Variants in TIAM2 observed in about 807,000 individuals in gnomAD.
TIAM2 encodes rho guanine nucleotide exchange factor TIAM2.
In TIAM2, 80 loss-of-function variants were observed where a neutral mutation model predicts 152.9. That is an observed-to-expected ratio of 0.52 (90% confidence interval 0.44 to 0.63). The LOEUF (loss-of-function observed/expected upper bound fraction) is 0.63. Among genes scored for constraint, TIAM2 ranks in the 30% least tolerant of loss-of-function variants. The pLI is 0.00. For synonymous variants in TIAM2, 804 were observed against 838.0 expected (o/e 0.96, Z 0.70); for missense variants, 1,965 against 2,120.1 (o/e 0.93, Z 1.44).
chr6:155,245,768 T>TC (rs1554246897), intron 19 of TIAM2, 37 bp downstream of exon 19: 12 of 1,441,044 alleles, frequency 8.3e-6, no homozygotes, highest in Non-Finnish European at 1.0e-5. Context: ...TTTTTTTTTT[T>TC]TTGCATTTTT....
intron 15 of TIAM2, 66 bp from the exon 16 acceptor site, chr6:155,240,464 T>C: frequency 1.3e-6 from 2 of 1,507,666 alleles, no homozygotes; most frequent in East Asian, 2.3e-5. Flanking sequence ...CTTGGTGCCC[T>C]TGGGGGCAGC....
Position 155,127,475 on chromosome 6 carries a change from G to A in TIAM2, c.-117-15G>A, listed in dbSNP as rs936911829. ...AAAACGCTTCACAGAGTTTTCTTGC[G>A]TTTCTGTTTTTCAGGCTCACTTCAT... is the stretch of plus-strand genomic sequence containing the variant. On this transcript the variant is annotated splice_polypyrimidine_tract_variant and intron_variant, in intron 2 of 26. Coordinates refer to ENST00000682666, the MANE Select transcript of TIAM2 (RefSeq NM_012454.4). The A allele has an allele frequency of 3.2e-5, 14 of 433,674 alleles. No homozygotes were observed. Among genetic ancestry groups the A allele is most frequent in the African/African-American group, 8.2e-5 (4 of 48,850 alleles). The allele number at this position is 433,674 out of a possible 1,614,324, so 26.9% of individuals were successfully genotyped here. A position where few individuals can be genotyped will look rare whatever the true frequency, so the allele number is the denominator to read the frequency against.
At chr6:155,182,776 A>G (rs1006820593) in intron 13 of TIAM2, among the ~76,000 whole-genome samples, 1 of 152,182 alleles carries the variant, frequency 6.6e-6, no homozygotes, top group Non-Finnish European at 1.5e-5. Context: ...TGGGAACACT[A>G]GAAAAAACAA....
chr6:155,089,834 G>A (rs143213412), intron 1 of TIAM2, among the ~76,000 whole-genome samples: 1 of 152,308 alleles, frequency 6.6e-6, no homozygotes, highest in Non-Finnish European at 1.5e-5. Context: ...CTCAGTGAGA[G>A]CGAGATTTTC....
chr6:155,196,821 A>G (rs1051279213), intron 14 of TIAM2, among the ~76,000 whole-genome samples: 1 of 152,232 alleles, frequency 6.6e-6, no homozygotes, highest in Admixed American at 6.5e-5. Context: ...CTGCCCTACC[A>G]TACTCAGCTA....
chr6:155,041,085 A>G (rs1777016843), intron 1 of TIAM2, among the ~76,000 whole-genome samples: 1 of 152,096 alleles, frequency 6.6e-6, no homozygotes, highest in Non-Finnish European at 1.5e-5. Context: ...TCTAAGTGCC[A>G]GGGGCTCTTG....
chr6:155,169,947 T>C (rs1001491028), intron 9 of TIAM2, among the ~76,000 whole-genome samples: 8 of 152,032 alleles, frequency 5.3e-5, no homozygotes, highest in Non-Finnish European at 1.0e-4. Flanking sequence ...GCCTCCTGAG[T>C]AGCTGGGATT....
chr6:155,104,073 C>T (rs950452257), intron 2 of TIAM2, among the ~76,000 whole-genome samples: 2 of 135,490 alleles, frequency 1.5e-5, no homozygotes, highest in Non-Finnish European at 3.1e-5. Context: ...CACCCCCACA[C>T]ACCAAATTAA....
chr6:155,035,841 A>T (rs930258348), intron 1 of TIAM2, among the ~76,000 whole-genome samples: 1 of 152,226 alleles, frequency 6.6e-6, no homozygotes, highest in Non-Finnish European at 1.5e-5. Flanking sequence ...TGCTGGGTTG[A>T]TGTAAATGGC....
Position 155,183,231 on chromosome 6 carries a change from T to C in TIAM2, c.2801-6T>C. 1 of 1,608,778 alleles carries C rather than the reference T, an allele frequency of 6.2e-7. No homozygotes were observed. The highest frequency in any genetic ancestry group is 8.5e-7 in the Non-Finnish European group (1 of 1,177,038). The stretch of plus-strand genomic sequence containing the variant: ...CTTTTTTCTGTTTCTCCTTCCTTTT[T>C]CTCAGGGCTGAGAAAGGGCAATGAG... On this transcript the variant is annotated splice_polypyrimidine_tract_variant and splice_region_variant and intron_variant, in intron 13 of 26. Coordinates refer to ENST00000682666, the MANE Select transcript of TIAM2 (RefSeq NM_012454.4).
intron 1 of TIAM2, among the ~76,000 whole-genome samples, chr6:154,998,115 A>C (rs970422627): frequency 6.6e-6 from 1 of 152,110 alleles, no homozygotes; most frequent in African/African-American, 2.4e-5. Flanking sequence ...TGCGAGTGTG[A>C]ATTCATGGGT....
At chr6:155,146,359 C>T (rs978571289) in intron 6 of TIAM2, among the ~76,000 whole-genome samples, 7 of 152,164 alleles carry the variant, frequency 4.6e-5, no homozygotes, top group Middle Eastern at 3.4e-3. Context: ...CCAGCCCAGG[C>T]GACAGAGTGA....
At chr6:155,250,155 G>A (rs191516036) in intron 21 of TIAM2, among the ~76,000 whole-genome samples, 186 bp downstream of exon 21, 1 of 152,092 alleles carries the variant, frequency 6.6e-6, no homozygotes, top group African/African-American at 2.4e-5. Flanking sequence ...TCATTACACT[G>A]GTTTAAAATA....
At chr6:155,239,396 A>T (rs146327779) in intron 15 of TIAM2, among the ~76,000 whole-genome samples, 4 of 152,314 alleles carry the variant, frequency 2.6e-5, no homozygotes, top group Non-Finnish European at 5.9e-5. Flanking sequence ...GAAAGAAAGA[A>T]GCCACCCTGC....
chr6:155,176,922 C>T lies in TIAM2; in HGVS notation c.2468C>T (p.Thr823Ile), dbSNP rs766312028. The part of the protein sequence containing the change: ...YVHFQDNHGV[T>I]VGIKPEHRVE... ...CACTTTCAGGACAATCACGGAGTTA[C>T]TGTAGGGATCAAGCCAGAGCACAGA... The change falls in exon 10 of 27, where the codon ACT (threonine) becomes ATT (isoleucine). Residue 823 changes from threonine to isoleucine, a missense_variant. Around this residue, in one of 3 missense-constraint regions of TIAM2, gnomAD observed 1,025 missense variants for 1,119.4 expected, o/e 0.92. Transcript: ENST00000682666. 4 of 1,613,856 alleles carry T rather than the reference C, an allele frequency of 2.5e-6. No individual in the cohort carries two copies. The highest frequency in any genetic ancestry group is 3.4e-6 in the Non-Finnish European group (4 of 1,179,954).
At chr6:155,178,299 G>C (rs559203131) in intron 10 of TIAM2, among the ~76,000 whole-genome samples, 1 of 151,496 alleles carries the variant, frequency 6.6e-6, no homozygotes. Context: ...ACACATTTTC[G>C]TTTTGAAAGT....
chr6:155,106,964 A>G (rs577767302), intron 2 of TIAM2, among the ~76,000 whole-genome samples: 2 of 152,386 alleles, frequency 1.3e-5, no homozygotes, highest in Non-Finnish European at 2.9e-5. Context: ...GCAGACAAAA[A>G]TATATCCAGC....
At chr6:155,023,826 A>G (rs1000847742) in intron 1 of TIAM2, among the ~76,000 whole-genome samples, 2 of 152,146 alleles carry the variant, frequency 1.3e-5, no homozygotes, top group Non-Finnish European at 2.9e-5. Context: ...TGAGCCGCAG[A>G]TGGTTGGTTT....
At position 155,029,409 on chromosome 6, in the gene TIAM2, A is replaced by AATAT. The variant is rs1554225484; in HGVS notation, c.-209+33921_-209+33924dup. Among the ~76,000 whole-genome samples the AATAT allele has an allele frequency of 6.6e-4, 57 of 86,190 alleles. 1 individual carries two copies. The highest frequency in any genetic ancestry group is 1.5e-3 in the East Asian group (5 of 3,286). 56.5% of individuals were successfully genotyped at this position (86,190 alleles called of 152,430 possible). A position where few individuals can be genotyped will look rare whatever the true frequency, so the allele number is the denominator to read the frequency against. ...GTTATATATATACTATAGTATATAT[A>AATAT]ATATATACTATATATACTATAGTAT... On this transcript the variant is annotated intron_variant, in intron 1 of 26. Coordinates refer to ENST00000682666, the MANE Select transcript of TIAM2 (RefSeq NM_012454.4).
Sources: allele counts gnomAD v4.1 joint callset (sites outside exome capture counted in the v4.1 genomes callset), GRCh38; gene constraint gnomAD v4.1.1; regional missense constraint gnomAD v4.1.1; transcripts MANE v1.5; gene names NCBI Gene and HGNC (gene_info 2026-07-23, HGNC 2026-07-21).